The following BRWD1 variants were observed in gnomAD, a reference collection of about 807,000 sequenced individuals.
The protein encoded by BRWD1 is bromodomain and WD repeat domain containing 1, also known as bromodomain and WD repeat-containing protein 1.
Under a neutral mutation model 251.2 loss-of-function variants are expected in BRWD1, and 82 were observed. The observed-to-expected ratio is 0.33, with a 90% CI of 0.27 to 0.39. The LOEUF is 0.39. Among genes scored for constraint, BRWD1 ranks in the 10% least tolerant of loss-of-function variants. The pLI is 1.00. For missense variants in BRWD1, 2,233 were observed against 2,711.6 expected (o/e 0.82, Z 3.92); for synonymous variants, 918 against 902.8 (o/e 1.02, Z -0.30).
rs983004421 is a variant in BRWD1 at position 39,196,507 on chromosome 21, C to T, written c.6562G>A (p.Val2188Ile). Reference sequence around the variant, plus strand: ...GCTGTAAAAGTTTTACCTTTTCTAACTACTTTTGCTTTTCCTTTCGTTTTC... The same window carrying T: ...GCTGTAAAAGTTTTACCTTTTCTAATTACTTTTGCTTTTCCTTTCGTTTTC... ...RRKTKGKAKVVRKGKTFTANI... is the reference protein window; with the variant it reads ...RRKTKGKAKVIRKGKTFTANI... The change falls in exon 41 of 41, where the codon GTT becomes ATT. Residue 2188 changes from valine to isoleucine, a missense_variant. By Grantham distance (29) the Val-to-Ile change is conservative (BLOSUM62 3). Around this residue, in one of 12 missense-constraint regions of BRWD1, gnomAD observed 928 missense variants for 970.0 expected, o/e 0.96. Transcript: ENST00000342449. The T allele has an allele frequency of 6.2e-7, 1 of 1,613,558 alleles. No homozygotes were observed. Among genetic ancestry groups the T allele is most frequent in the Non-Finnish European group, 8.5e-7 (1 of 1,179,736 alleles).
At chr21:39,201,588 G>C (rs1234649672) in intron 38 of BRWD1, among the ~76,000 whole-genome samples, 1 of 152,086 alleles carries the variant, frequency 6.6e-6, no homozygotes, top group African/African-American at 2.4e-5. Context: ...GCTGTAATGT[G>C]TCCACTTATC....
At chr21:39,238,662 A>T (rs2033892805) in intron 21 of BRWD1, 89 bp from the exon 22 acceptor site, 2 of 799,092 alleles carry the variant, frequency 2.5e-6, no homozygotes, top group African/African-American at 3.5e-5. Flanking sequence ...CTCCCCAGTA[A>T]GATTAAATCA....
chr21:39,247,657 T>C, intron 21 of BRWD1, 44 bp downstream of exon 21: 1 of 1,553,610 alleles, frequency 6.4e-7, no homozygotes, highest in Non-Finnish European at 8.7e-7. Context: ...TTAAGCCAAA[T>C]TCATTTAAGA....
rs148060754 is a variant in BRWD1 at position 39,207,074 on chromosome 21, G to A, written c.4198-800C>T. Among the ~76,000 whole-genome samples, 322 of 152,272 alleles carry A rather than the reference G, an allele frequency of 2.1e-3. 2 individuals are homozygous for A. Among genetic ancestry groups the A allele is most frequent in the African/African-American group, 7.4e-3 (307 of 41,558 alleles). ...TATACATATATATATGCTCACAAATGAATGTGAAATTTGTTATACTTAATC... is the reference window on the plus strand; with the variant it reads ...TATACATATATATATGCTCACAAATAAATGTGAAATTTGTTATACTTAATC... On this transcript the variant is annotated intron_variant, in intron 36 of 40. Coordinates refer to ENST00000342449, the MANE Select transcript of BRWD1 (RefSeq NM_033656.4).
Position 39,190,459 on chromosome 21 carries a change from T to C in BRWD1, c.*5800A>G, listed in dbSNP as rs928005339. On this transcript the variant is annotated 3_prime_UTR_variant, in exon 41 of 41. Transcript: ENST00000342449. Reference sequence around the variant, plus strand: ...GCCTCTTTCATAAACTCCTAGAATCTTGACATTATTGGTTGCTGTGGTTGG... The same window carrying C: ...GCCTCTTTCATAAACTCCTAGAATCCTGACATTATTGGTTGCTGTGGTTGG... 5.1e-6 allele frequency: 5 copies of C among 985,244 alleles called. No homozygotes were observed. In the African/African-American group the frequency reaches 5.2e-5, roughly 10 times the overall value. 61.0% of individuals were successfully genotyped at this position (985,244 alleles called of 1,614,324 possible).
At chr21:39,260,858 T>C (rs563441793) in intron 17 of BRWD1, among the ~76,000 whole-genome samples, 1 of 152,138 alleles carries the variant, frequency 6.6e-6, no homozygotes, top group Non-Finnish European at 1.5e-5. Flanking sequence ...GGACTGAATA[T>C]CAGAGGAGAG....
rs139797089 is a variant in BRWD1 at position 39,200,356 on chromosome 21, G to C, written c.4616C>G (p.Ser1539Cys). 464 of 1,612,878 alleles carry C rather than the reference G, an allele frequency of 2.9e-4. No homozygotes were observed. In the African/African-American group the frequency reaches 4.6e-3, roughly 16 times the overall value. The change falls in exon 39 of 41, where the codon TCT (serine) becomes TGT (cysteine). Residue 1539 changes from serine (S) to cysteine (C), a missense_variant. Physicochemically the swap from Ser to Cys is moderately radical, Grantham distance 112 (BLOSUM62 -1). Around this residue, in one of 12 missense-constraint regions of BRWD1, gnomAD observed 928 missense variants for 970.0 expected, o/e 0.96. Transcript: ENST00000342449. ...ACTACTGGAAGCTGACGATGACAAA[G>C]AGGTAGCTAAAGAATCTTCCACTTC... Reference protein sequence around the residue: ...ESEVEDSLATSLSSSASSSSE... With the variant: ...ESEVEDSLATCLSSSASSSSE...
Position 39,194,224 on chromosome 21 carries a change from A to C in BRWD1, c.*2035T>G, listed in dbSNP as rs1426098014. The C allele has an allele frequency of 5.1e-6, 5 of 981,870 alleles. No homozygotes were observed. The highest frequency in any genetic ancestry group is 6.1e-6 in the Non-Finnish European group (5 of 826,048). The allele number at this position is 981,870 out of a possible 1,614,324, so 60.8% of individuals were successfully genotyped here. A position where few individuals can be genotyped will look rare whatever the true frequency, so the allele number is the denominator to read the frequency against. On this transcript the variant is annotated 3_prime_UTR_variant, in exon 41 of 41. Coordinates refer to ENST00000342449, the MANE Select transcript of BRWD1 (RefSeq NM_033656.4). Reference sequence around the variant, plus strand: ...TCAAAATATTGTTTTATACCAAAAGAATGTATGTACTTATGAATGTATTCC... The same window carrying C: ...TCAAAATATTGTTTTATACCAAAAGCATGTATGTACTTATGAATGTATTCC...
In BRWD1 at chr21:39,273,362, C is replaced by T. The variant is rs1568938751; in HGVS notation, c.1244+1012G>A. ...TTATGAGCAAGGGTTATCAAATTTC[C>T]AGTATATATACTTTTCATTCTCTAT... On this transcript the variant is annotated intron_variant, in intron 13 of 40. Coordinates refer to ENST00000342449, the MANE Select transcript of BRWD1 (RefSeq NM_033656.4). Among the ~76,000 whole-genome samples the T allele has an allele frequency of 1.3e-5, 2 of 151,936 alleles. 1 individual carries two copies. Among genetic ancestry groups the T allele is most frequent in the Admixed American group, 1.3e-4 (2 of 15,256 alleles).
Position 39,193,656 on chromosome 21 carries a change from G to C in BRWD1, c.*2603C>G. On this transcript the variant is annotated 3_prime_UTR_variant, in exon 41 of 41. Coordinates refer to ENST00000342449, the MANE Select transcript of BRWD1 (RefSeq NM_033656.4). ...AGTTGAACTTCAAGTGCAGTGGAAA[G>C]GTACAGCACTTATTTCTGGATCAGT... The C allele has an allele frequency of 2.0e-6, 2 of 985,418 alleles. No individual in the cohort carries two copies. Among genetic ancestry groups the C allele is most frequent in the Non-Finnish European group, 2.4e-6 (2 of 829,668 alleles). 61.0% of individuals were successfully genotyped at this position (985,418 alleles called of 1,614,324 possible).
At chr21:39,296,915 C>A (rs1421159648) in intron 5 of BRWD1, 1 of 984,574 alleles carries the variant, frequency 1.0e-6, no homozygotes, top group Non-Finnish European at 1.2e-6. Context: ...TATGAAAATT[C>A]ATGACTTGTT....
chr21:39,270,200 T>G (rs1053319717), intron 14 of BRWD1, 83 bp downstream of exon 14: 1 of 1,328,240 alleles, frequency 7.5e-7, no homozygotes, highest in African/African-American at 1.5e-5. Flanking sequence ...AACAACTTGT[T>G]CAATATATTA....
chr21:39,295,690 G>A (rs2035944179), intron 7 of BRWD1, 53 bp downstream of exon 7: 1 of 1,333,094 alleles, frequency 7.5e-7, no homozygotes, highest in Non-Finnish European at 1.0e-6. Context: ...TGATTCTGAA[G>A]CACACTAAAG....
rs939877840 is a variant in BRWD1 at position 39,190,861 on chromosome 21, A to G, written c.*5398T>C. The G allele has an allele frequency of 2.3e-5, 23 of 985,328 alleles. No individual in the cohort carries two copies. Among genetic ancestry groups the G allele is most frequent in the Non-Finnish European group, 2.8e-5 (23 of 829,882 alleles). 61.0% of individuals were successfully genotyped at this position (985,328 alleles called of 1,614,324 possible). ...CATGAACTAGTTCATTAGCTTATTC[A>G]TTTTTAGGGTTCATTTACTCAATGA... On this transcript the variant is annotated 3_prime_UTR_variant, in exon 41 of 41. Transcript: ENST00000342449.
In BRWD1 at chr21:39,190,237, TTA is replaced by T. The variant is rs3831199; in HGVS notation, c.*6020_*6021del. 1.3e-4 allele frequency: 124 copies of T among 980,576 alleles called. No homozygotes were observed. The highest frequency in any genetic ancestry group is 6.2e-4 in the Admixed American group (10 of 16,248). 60.7% of individuals were successfully genotyped at this position (980,576 alleles called of 1,614,324 possible). A position where few individuals can be genotyped will look rare whatever the true frequency, so the allele number is the denominator to read the frequency against. On this transcript the variant is annotated 3_prime_UTR_variant, in exon 41 of 41. Coordinates refer to ENST00000342449, the MANE Select transcript of BRWD1 (RefSeq NM_033656.4). ...AATCATATTCTAATTAGACTTTTTT[TTA>T]ATTTTTAAGCTACCTTATTTACAGA...
In BRWD1 at chr21:39,215,247, T is replaced by G. The variant is rs1398612800; in HGVS notation, c.3775A>C (p.Lys1259Gln). ...SAKKITDQLL[K>Q]FIKNQHCTNI... is the part of the protein sequence containing the mutation. Reference sequence around the variant, plus strand: ...TATGAAATTACTTACTTGATAAATTTTAAAAGTTGGTCAGTTATCTTTTTA... The same window carrying G: ...TATGAAATTACTTACTTGATAAATTGTAAAAGTTGGTCAGTTATCTTTTTA... The change falls in exon 32 of 41, where the codon AAA (lysine) becomes CAA (glutamine). Residue 1259 changes from lysine to glutamine, a missense_variant. Coordinates refer to ENST00000342449, the MANE Select transcript of BRWD1 (RefSeq NM_033656.4). 6.2e-7 allele frequency: 1 copy of G among 1,611,504 alleles called. No individual in the cohort carries two copies. Among genetic ancestry groups the G allele is most frequent in the South Asian group, 1.1e-5 (1 of 91,006 alleles).
At chr21:39,294,674 C>CTA (rs1396231172) in intron 7 of BRWD1, among the ~76,000 whole-genome samples, 4 of 144,764 alleles carry the variant, frequency 2.8e-5, no homozygotes, top group African/African-American at 1.0e-4. Context: ...AAAAAAAAGT[C>CTA]TATTCACATC....
At chr21:39,244,299 T>C (rs1963742) in intron 21 of BRWD1, among the ~76,000 whole-genome samples, 140,990 of 152,128 alleles carry the variant, frequency 0.93, 65,680 homozygotes, top group African/African-American at 0.97. Flanking sequence ...CTCCTGCCCT[T>C]GTGATCCACC....
In BRWD1 at chr21:39,250,903, T is replaced by A; in HGVS notation, c.2256-14A>T. ...TCTTCCAGCTTCCTACAAATTTAAA[T>A]ACCCAGTTATATTAACTACTGAACT... On this transcript the variant is annotated splice_polypyrimidine_tract_variant and intron_variant, in intron 19 of 40. Transcript: ENST00000342449. 2.0e-6 allele frequency: 3 copies of A among 1,504,944 alleles called. No homozygotes were observed. The highest frequency in any genetic ancestry group is 2.7e-6 in the Non-Finnish European group (3 of 1,095,074). 93.2% of individuals were successfully genotyped at this position (1,504,944 alleles called of 1,614,324 possible).
Sources: allele counts gnomAD v4.1 joint callset (sites outside exome capture counted in the v4.1 genomes callset), GRCh38; gene constraint gnomAD v4.1.1; regional missense constraint gnomAD v4.1.1; transcripts MANE v1.5; gene names NCBI Gene and HGNC (gene_info 2026-07-23, HGNC 2026-07-21).